Variants in CHRM3 observed in about 807,000 individuals in gnomAD.
CHRM3 encodes cholinergic receptor muscarinic 3.
Under a neutral mutation model 41.8 loss-of-function variants are expected in CHRM3, and 11 were observed. That is an observed-to-expected ratio of 0.26 (90% CI 0.17 to 0.44). CHRM3 has a LOEUF of 0.44. Among genes scored for constraint, CHRM3 ranks in the 20% least tolerant of loss-of-function variants. The pLI is 1.00. For synonymous variants in CHRM3, 297 were observed against 301.4 expected, an observed-to-expected ratio of 0.99 and a Z score of 0.15; for missense variants, 571 against 745.4, an observed-to-expected ratio of 0.77 and a Z score of 2.72.
intron 5 of CHRM3, among the ~76,000 whole-genome samples, chr1:239,792,239 G>A (rs752624778): frequency 6.6e-6 from 1 of 152,298 alleles, no homozygotes; most frequent in Middle Eastern, 3.4e-3. Context: ...GTTGATGGTT[G>A]TTGAGTACTT....
intron 2 of CHRM3, among the ~76,000 whole-genome samples, chr1:239,518,718 G>A (rs1167549643): frequency 2.0e-5 from 3 of 152,296 alleles, no homozygotes; most frequent in East Asian, 3.9e-4. Context: ...GGGAAAGTTT[G>A]TGGGCGGTAG....
chr1:239,782,751 G>T (rs505356), intron 5 of CHRM3, among the ~76,000 whole-genome samples: 122,733 of 151,678 alleles, frequency 0.81, 49,965 homozygotes, highest in Non-Finnish European at 0.86. Flanking sequence ...CACTCAATGC[G>T]ATAAATTTCC....
At chr1:239,602,735 C>T (rs72758706) in intron 3 of CHRM3, among the ~76,000 whole-genome samples, 2,685 of 152,062 alleles carry the variant, frequency 0.018, 30 homozygotes, top group Middle Eastern at 0.054. Context: ...ATAAACTTTG[C>T]TTTTTCAAAT....
intron 3 of CHRM3, among the ~76,000 whole-genome samples, chr1:239,568,901 C>A (rs1661594221): frequency 1.3e-5 from 2 of 152,178 alleles, no homozygotes; most frequent in South Asian, 4.1e-4. Flanking sequence ...AAGCAGATGA[C>A]AACAACTGGA....
chr1:239,571,706 C>T (rs1336094162), intron 3 of CHRM3, among the ~76,000 whole-genome samples: 3 of 152,164 alleles, frequency 2.0e-5, no homozygotes, highest in African/African-American at 7.2e-5. Flanking sequence ...ATTACACTCT[C>T]GTGTGCCCAG....
chr1:239,533,443 A>G (rs1263881103), intron 2 of CHRM3, among the ~76,000 whole-genome samples: 3 of 152,036 alleles, frequency 2.0e-5, no homozygotes, highest in African/African-American at 7.2e-5. Context: ...AAAGTGGGAA[A>G]AGCCCCTTAT....
chr1:239,489,116 T>A (rs1667387518), intron 1 of CHRM3, among the ~76,000 whole-genome samples: 1 of 152,034 alleles, frequency 6.6e-6, no homozygotes, highest in African/African-American at 2.4e-5. Flanking sequence ...TCTTTTTGTG[T>A]AAGAAAAAAT....
chr1:239,486,187 A>G (rs1667171252), intron 1 of CHRM3, among the ~76,000 whole-genome samples: 2 of 152,160 alleles, frequency 1.3e-5, no homozygotes, highest in Admixed American at 6.5e-5. Flanking sequence ...TGTCATTCTC[A>G]GTTTCTATAT....
intron 3 of CHRM3, among the ~76,000 whole-genome samples, chr1:239,562,475 A>G (rs938156784): frequency 6.6e-6 from 1 of 152,142 alleles, no homozygotes; most frequent in African/African-American, 2.4e-5. Context: ...AAATAAAAGG[A>G]TTGTCTCTAT....
chr1:239,453,395 A>G (rs772783086), intron 1 of CHRM3, among the ~76,000 whole-genome samples: 6 of 152,248 alleles, frequency 3.9e-5, no homozygotes, highest in Non-Finnish European at 7.3e-5. Flanking sequence ...CTAAGCTAAA[A>G]TACCTCTTTT....
In CHRM3 at chr1:239,425,094, T is replaced by C. The variant is rs376955828; in HGVS notation, c.-521+37867T>C. On this transcript the variant is annotated intron_variant, in intron 1 of 6. Coordinates refer to ENST00000676153, the MANE Select transcript of CHRM3 (RefSeq NM_001375978.1). ...AGTGTAGTGACAGAAACAGAGAAGA[T>C]GGACACAGTGGTTCACACAAAAAAT... is the stretch of plus-strand genomic sequence containing the variant. Among the ~76,000 whole-genome samples the C allele has an allele frequency of 2.3e-3, 357 of 152,210 alleles. 1 individual carries two copies. The highest frequency in any genetic ancestry group is 8.1e-3 in the African/African-American group (337 of 41,534).
chr1:239,785,821 A>G (rs1304256865), intron 5 of CHRM3, among the ~76,000 whole-genome samples: 3 of 152,094 alleles, frequency 2.0e-5, no homozygotes, highest in African/African-American at 7.2e-5. Context: ...TTTAATCTTC[A>G]TGGAAGGGTT....
intron 1 of CHRM3, among the ~76,000 whole-genome samples, chr1:239,396,389 T>C (rs771840652): frequency 3.9e-5 from 6 of 152,062 alleles, no homozygotes; most frequent in Admixed American, 2.6e-4. Flanking sequence ...GGTGGGAGGA[T>C]GGTTTGAGGC....
intron 1 of CHRM3, among the ~76,000 whole-genome samples, chr1:239,392,608 T>C (rs1659132681): frequency 6.6e-6 from 1 of 152,216 alleles, no homozygotes; most frequent in Admixed American, 6.5e-5. Context: ...TCAGCCTGTT[T>C]TGGAGAGAGT....
In CHRM3 at chr1:239,551,144, C is replaced by CTTTT. The variant is rs1157407521; in HGVS notation, c.-313+5419_-313+5422dup. Among the ~76,000 whole-genome samples, 93 of 60,358 alleles carry CTTTT rather than the reference C, an allele frequency of 1.5e-3. 12 individuals carry two copies. Among genetic ancestry groups the CTTTT allele is most frequent in the South Asian group, 2.3e-3 (3 of 1,292 alleles). 39.6% of individuals were successfully genotyped at this position (60,358 alleles called of 152,430 possible). A position where few individuals can be genotyped will look rare whatever the true frequency, so the allele number is the denominator to read the frequency against. ...GAAAATGCATATAAGTGTTACCATTCTTTTTTTTTTTTTTTTTTTTTTTTT... is the reference window on the plus strand; with the variant it reads ...GAAAATGCATATAAGTGTTACCATTCTTTTTTTTTTTTTTTTTTTTTTTTTTTTT... On this transcript the variant is annotated intron_variant, in intron 3 of 6. Transcript: ENST00000676153.
At chr1:239,519,014 C>T (rs1028876459) in intron 2 of CHRM3, among the ~76,000 whole-genome samples, 4 of 152,132 alleles carry the variant, frequency 2.6e-5, no homozygotes, top group African/African-American at 9.7e-5. Context: ...CTTCCTCTTT[C>T]CAGACACCTA....
chr1:239,708,419 C>T lies in CHRM3; in HGVS notation c.-147+30131C>T, dbSNP rs1308073313. Among the ~76,000 whole-genome samples the T allele has an allele frequency of 2.6e-5, 4 of 152,168 alleles. No homozygotes were observed. In the East Asian group the frequency reaches 7.7e-4, roughly 29 times the overall value. On this transcript the variant is annotated intron_variant, in intron 5 of 6. Coordinates refer to ENST00000676153, the MANE Select transcript of CHRM3 (RefSeq NM_001375978.1). ...TGACCCCTTCAACCTGTCTTTTGCACAGTAGCTGGAGTCGTATTCCAAAAT... is the reference window on the plus strand; with the variant it reads ...TGACCCCTTCAACCTGTCTTTTGCATAGTAGCTGGAGTCGTATTCCAAAAT...
At chr1:239,768,921 T>G (rs1558104442) in intron 5 of CHRM3, among the ~76,000 whole-genome samples, 1 of 152,202 alleles carries the variant, frequency 6.6e-6, no homozygotes, top group East Asian at 1.9e-4. Context: ...CGCGCCACCA[T>G]GCCCAACTAA....
At chr1:239,684,770 G>GAAA (rs142339442) in intron 5 of CHRM3, among the ~76,000 whole-genome samples, 1 of 129,104 alleles carries the variant, frequency 7.7e-6, no homozygotes. Context: ...AAGAAAGAAA[G>GAAA]AGAAAGAGAA....
Sources: allele counts gnomAD v4.1 joint callset (sites outside exome capture counted in the v4.1 genomes callset), GRCh38; gene constraint gnomAD v4.1.1; transcripts MANE v1.5; gene names NCBI Gene and HGNC (gene_info 2026-07-23, HGNC 2026-07-21).